Variants in FSTL4 observed in about 807,000 individuals in gnomAD.
FSTL4 encodes follistatin-related protein 4.
Under a neutral mutation model 78.2 loss-of-function variants are expected in FSTL4, and 28 were observed. The observed-to-expected ratio is 0.36, with a 90% CI of 0.27 to 0.49. FSTL4 has a LOEUF of 0.49. Among genes scored for constraint, FSTL4 ranks in the 20% least tolerant of loss-of-function variants. FSTL4 has a pLI of 0.98. For missense variants in FSTL4, 922 were observed against 1,084.9 expected, an observed-to-expected ratio of 0.85 and a Z score of 2.11; for synonymous variants, 422 against 440.5, an observed-to-expected ratio of 0.96 and a Z score of 0.53.
Position 133,437,496 on chromosome 5 carries a change from T to TG in FSTL4, c.161-36511_161-36510insC, listed in dbSNP as rs11374755. Reference sequence around the variant, plus strand: ...TATAGTAAATAGGTGTTTTTTTTTTTTTTTTTTTTTTGAGATAGAGTCTCA... The same window carrying TG: ...TATAGTAAATAGGTGTTTTTTTTTTTGTTTTTTTTTTTGAGATAGAGTCTCA... On this transcript the variant is annotated intron_variant, in intron 3 of 15. Transcript: ENST00000265342. Among the ~76,000 whole-genome samples, 187 of 139,438 alleles carry TG rather than the reference T, an allele frequency of 1.3e-3. 2 individuals carry two copies. In the East Asian group the frequency reaches 0.027, roughly 20 times the overall value. The allele number at this position is 139,438 out of a possible 152,430, so 91.5% of individuals were successfully genotyped here.
chr5:133,785,127 G>C, the FSTL4 span, among the ~76,000 whole-genome samples: 1 of 152,124 alleles, frequency 6.6e-6, no homozygotes, highest in Admixed American at 6.5e-5. Flanking sequence ...CCCTCACAAA[G>C]CTCTCAGCCC....
intron 11 of FSTL4, among the ~76,000 whole-genome samples, chr5:133,223,044 A>AT (rs1166100994): frequency 4.6e-5 from 7 of 152,304 alleles, no homozygotes; most frequent in Middle Eastern, 3.4e-3. Flanking sequence ...TTCACATTCC[A>AT]TGGGGCCTCT....
chr5:133,337,216 T>C (rs1754482948), intron 4 of FSTL4, among the ~76,000 whole-genome samples: 1 of 152,216 alleles, frequency 6.6e-6, no homozygotes. Flanking sequence ...ACCAGGATGA[T>C]GAGGCAAACC....
At chr5:133,233,396 T>A in intron 8 of FSTL4, 21 bp downstream of exon 8, 1 of 1,613,738 alleles carries the variant, frequency 6.2e-7, no homozygotes, top group Non-Finnish European at 8.5e-7. Flanking sequence ...GGGGACAACA[T>A]GCATGGAGCC....
At chr5:133,421,724 C>A (rs1483992412) in intron 3 of FSTL4, among the ~76,000 whole-genome samples, 3 of 152,212 alleles carry the variant, frequency 2.0e-5, no homozygotes, top group African/African-American at 7.2e-5. Context: ...CCATAGGACA[C>A]AAAGATTGGC....
At chr5:133,818,963 G>GTATATATATATA in the FSTL4 span, among the ~76,000 whole-genome samples, 1 of 30,250 alleles carries the variant, frequency 3.3e-5, no homozygotes, top group Non-Finnish European at 9.1e-5. Flanking sequence ...ACACACACAC[G>GTATATATATATA]TACGCATGCA....
chr5:133,469,704 C>T (rs1375088608), intron 3 of FSTL4, among the ~76,000 whole-genome samples: 1 of 152,118 alleles, frequency 6.6e-6, no homozygotes, highest in Non-Finnish European at 1.5e-5. Flanking sequence ...TAAATTACAA[C>T]AGTAAAGATA....
chr5:133,686,999 G>A, the FSTL4 span, among the ~76,000 whole-genome samples: 30 of 152,186 alleles, frequency 2.0e-4, no homozygotes, highest in South Asian at 1.0e-3. Flanking sequence ...TGAAGGAGGC[G>A]GGAAGGGCAC....
intron 6 of FSTL4, among the ~76,000 whole-genome samples, chr5:133,292,782 T>C (rs905057136): frequency 4.6e-5 from 7 of 152,010 alleles, no homozygotes; most frequent in Non-Finnish European, 8.8e-5. Flanking sequence ...CCACTGACTC[T>C]TTACAGCAAC....
chr5:133,507,751 G>A (rs925536053), intron 3 of FSTL4, among the ~76,000 whole-genome samples: 26 of 151,912 alleles, frequency 1.7e-4, no homozygotes, highest in African/African-American at 6.3e-4. Flanking sequence ...TCAATATCCT[G>A]ACCTCATGAT....
At chr5:133,478,804 T>C (rs983398548) in intron 3 of FSTL4, among the ~76,000 whole-genome samples, 3 of 151,976 alleles carry the variant, frequency 2.0e-5, no homozygotes, top group Admixed American at 2.0e-4. Flanking sequence ...ATGACCCGGA[T>C]TGCTAAATGG....
chr5:133,703,110 A>G, the FSTL4 span, among the ~76,000 whole-genome samples: 2 of 152,258 alleles, frequency 1.3e-5, no homozygotes, highest in Non-Finnish European at 2.9e-5. Flanking sequence ...CTGGAGATGG[A>G]TAATATCTGA....
intron 3 of FSTL4, among the ~76,000 whole-genome samples, chr5:133,451,188 C>T (rs1757376777): frequency 6.6e-6 from 1 of 152,162 alleles, no homozygotes; most frequent in African/African-American, 2.4e-5. Context: ...TTGATTTGTT[C>T]CACCTGCATT....
At chr5:133,723,585 A>G in the FSTL4 span, among the ~76,000 whole-genome samples, 3 of 152,128 alleles carry the variant, frequency 2.0e-5, no homozygotes, top group Non-Finnish European at 4.4e-5. Context: ...CTCCTCAGAG[A>G]GGTGGCGTGC....
intron 6 of FSTL4, among the ~76,000 whole-genome samples, chr5:133,289,752 C>A (rs983383158): frequency 2.0e-5 from 3 of 152,228 alleles, no homozygotes; most frequent in Non-Finnish European, 4.4e-5. Flanking sequence ...AAGACCAGCA[C>A]CAAGCCCTTA....
At chr5:133,728,870 A>G in the FSTL4 span, among the ~76,000 whole-genome samples, 4 of 152,312 alleles carry the variant, frequency 2.6e-5, no homozygotes, top group Non-Finnish European at 5.9e-5. Context: ...AGGAAAAAGA[A>G]AAGAAAAAGA....
intron 3 of FSTL4, among the ~76,000 whole-genome samples, chr5:133,461,842 A>G (rs1414407904): frequency 1.3e-5 from 2 of 152,216 alleles, no homozygotes; most frequent in African/African-American, 2.4e-5. Flanking sequence ...ATTTAAAAAG[A>G]AAAGACCGAG....
the FSTL4 span, among the ~76,000 whole-genome samples, chr5:133,790,673 T>C: frequency 6.6e-6 from 1 of 152,206 alleles, no homozygotes; most frequent in African/African-American, 2.4e-5. Flanking sequence ...AAACAGCTCC[T>C]GATCCACTCC....
chr5:133,685,492 T>C, the FSTL4 span, among the ~76,000 whole-genome samples: 2 of 152,182 alleles, frequency 1.3e-5, no homozygotes, highest in Non-Finnish European at 2.9e-5. Context: ...ATGTGCAGAA[T>C]GTAGTGATGA....
Sources: gnomAD v4.1 joint callset for allele counts (sites outside exome capture counted in the v4.1 genomes callset) on GRCh38, gnomAD v4.1.1 for gene constraint, MANE v1.5 for transcripts, NCBI Gene and HGNC (gene_info 2026-07-23, HGNC 2026-07-21) for gene names.